CEP112: variants seen among roughly 807,000 people sequenced by gnomAD.
CEP112 encodes centrosomal protein 112, also known as centrosomal protein of 112 kDa.
CEP112 carries 127 observed loss-of-function variants against 153.0 expected under a neutral mutation model. The observed-to-expected ratio is 0.83, with a 90% CI of 0.72 to 0.96. The LOEUF (loss-of-function observed/expected upper bound fraction) is 0.96, where lower values mean the gene tolerates loss of function less well. Ranked by LOEUF, CEP112 falls within the 40% of genes least tolerant of loss-of-function variation. CEP112 has a pLI of 0.00. For missense variants in CEP112, 1,089 were observed against 1,101.2 expected (o/e 0.99, Z 0.16); for synonymous variants, 358 against 374.4 (o/e 0.96, Z 0.51).
chr17:65,929,239 C>T (rs772819998), intron 18 of CEP112, among the ~76,000 whole-genome samples: 1 of 152,084 alleles, frequency 6.6e-6, no homozygotes, highest in Non-Finnish European at 1.5e-5. Flanking sequence ...AAAAAGAAAG[C>T]GGAAAAAGGA....
chr17:66,006,511 C>G lies in CEP112; in HGVS notation c.1657-742G>C, dbSNP rs543380402. ...AGCCCAGCTACTCAGGAGGCTGAGG[C>G]AGGAGAATCGCTTGAACCCAGGAGG... is the stretch of plus-strand genomic sequence containing the variant. On this transcript the variant is annotated intron_variant, in intron 16 of 26. Coordinates refer to ENST00000535342, the MANE Select transcript of CEP112 (RefSeq NM_001199165.4). Among the ~76,000 whole-genome samples, 3 of 151,940 alleles carry G rather than the reference C, an allele frequency of 2.0e-5. No homozygotes were observed. The South Asian group carries it at 6.2e-4, about 32-fold the overall frequency.
chr17:66,144,963 G>T (rs911776198), intron 4 of CEP112, among the ~76,000 whole-genome samples: 1 of 152,118 alleles, frequency 6.6e-6, no homozygotes, highest in Non-Finnish European at 1.5e-5. Context: ...TTCCAGAGTG[G>T]TTGTGCAATA....
At chr17:65,913,278 G>A (rs1349572438) in intron 19 of CEP112, among the ~76,000 whole-genome samples, 1 of 152,060 alleles carries the variant, frequency 6.6e-6, no homozygotes, top group Non-Finnish European at 1.5e-5. Context: ...AAAAGATGTT[G>A]GAATCTTTCT....
intron 6 of CEP112, among the ~76,000 whole-genome samples, chr17:66,125,089 G>A (rs1234702311): frequency 6.6e-6 from 1 of 151,992 alleles, no homozygotes; most frequent in Non-Finnish European, 1.5e-5. Context: ...GAAAATAAGT[G>A]CTGATATTTT....
At chr17:65,943,063 TC>T (rs2144511007) in intron 18 of CEP112, among the ~76,000 whole-genome samples, 1 of 152,256 alleles carries the variant, frequency 6.6e-6, no homozygotes, top group Admixed American at 6.5e-5. Context: ...TAAGAAATAA[TC>T]CTTCAAATAT....
intron 24 of CEP112, among the ~76,000 whole-genome samples, chr17:65,666,603 T>C (rs1397082795): frequency 6.6e-6 from 1 of 152,160 alleles, no homozygotes; most frequent in African/African-American, 2.4e-5. Context: ...TATAAATCAA[T>C]AAAATAAGTA....
intron 21 of CEP112, among the ~76,000 whole-genome samples, chr17:65,807,072 C>T (rs575735152): frequency 1.7e-4 from 26 of 152,246 alleles, no homozygotes; most frequent in African/African-American, 6.3e-4. Flanking sequence ...CAATGAGGTC[C>T]AGGCTGAAGT....
At chr17:66,023,237 A>G (rs2065071685) in intron 16 of CEP112, among the ~76,000 whole-genome samples, 1 of 152,206 alleles carries the variant, frequency 6.6e-6, no homozygotes, top group Non-Finnish European at 1.5e-5. Context: ...AGATATTGCA[A>G]GATGCAGTTT....
At chr17:65,647,643 A>T (rs1469655557) in intron 24 of CEP112, among the ~76,000 whole-genome samples, 34 of 143,628 alleles carry the variant, frequency 2.4e-4, no homozygotes, top group Admixed American at 2.3e-3. Flanking sequence ...TGCCCAGCTA[A>T]TTTTTTTTTT....
At chr17:66,025,609 T>G (rs1181964842) in intron 16 of CEP112, among the ~76,000 whole-genome samples, 1 of 152,140 alleles carries the variant, frequency 6.6e-6, no homozygotes, top group Non-Finnish European at 1.5e-5. Context: ...AGATATCATC[T>G]TATTCTAGTC....
At chr17:65,967,605 T>G (rs73992163) in intron 17 of CEP112, among the ~76,000 whole-genome samples, 23 of 152,174 alleles carry the variant, frequency 1.5e-4, no homozygotes, top group African/African-American at 4.8e-4. Flanking sequence ...AAATTTTAAG[T>G]GCTAAAAGAA....
At chr17:66,091,032 A>G (rs1053829343) in intron 8 of CEP112, among the ~76,000 whole-genome samples, 1 of 152,138 alleles carries the variant, frequency 6.6e-6, no homozygotes, top group Non-Finnish European at 1.5e-5. Context: ...CTAAATATAT[A>G]AAGCAAATAT....
chr17:65,911,487 AAAT>A (rs375649950), intron 19 of CEP112, among the ~76,000 whole-genome samples: 14 of 152,286 alleles, frequency 9.2e-5, no homozygotes, highest in South Asian at 4.1e-4. Context: ...AACATTCTAA[AAAT>A]AATCTCTTAT....
chr17:65,678,700 C>A (rs1381793133), intron 24 of CEP112, among the ~76,000 whole-genome samples: 2 of 152,104 alleles, frequency 1.3e-5, no homozygotes, highest in Admixed American at 1.3e-4. Flanking sequence ...GGACGAAGAG[C>A]CACTTCAACA....
At position 66,005,729 on chromosome 17, in the gene CEP112, TC is replaced by T. The variant is rs764489340; in HGVS notation, c.1696del (p.Asp566IlefsTer13). The T allele has an allele frequency of 1.9e-6, 3 of 1,610,140 alleles. No homozygotes were observed. The highest frequency in any genetic ancestry group is 2.5e-6 in the Non-Finnish European group (3 of 1,178,872). ...AAATTTATGAATTTTCTTTTGAGTA[TC>T]TTCTTTTCCTTTATCAAGTTCACTC... ...LQSELDKGKE[D>X]TQKKIHKFEE... On this transcript the variant is annotated frameshift_variant, in exon 17 of 27. Transcript: ENST00000535342. LOFTEE classifies it high-confidence loss of function.
chr17:65,838,450 A>G (rs2057401864), intron 21 of CEP112, among the ~76,000 whole-genome samples: 1 of 152,178 alleles, frequency 6.6e-6, no homozygotes, highest in African/African-American at 2.4e-5. Context: ...ATTTCTTGAG[A>G]CAAATGAAAA....
chr17:65,708,491 G>A lies in CEP112; in HGVS notation c.2608-19273C>T, dbSNP rs187881394. ...TATTAGCACAGTGCCTTCTTTCCAC[G>A]TCTTTTTCCTATTCATATGAAACTG... is the stretch of plus-strand genomic sequence containing the variant. On this transcript the variant is annotated intron_variant, in intron 23 of 26. Transcript: ENST00000535342. 3.9e-5 allele frequency among the ~76,000 whole-genome samples: 6 copies of A among 152,232 alleles called. No homozygotes were observed. The East Asian group carries it at 9.6e-4, about 24-fold the overall frequency.
intron 23 of CEP112, among the ~76,000 whole-genome samples, chr17:65,739,049 T>C (rs2050967283): frequency 6.6e-6 from 1 of 152,212 alleles, no homozygotes; most frequent in African/African-American, 2.4e-5. Flanking sequence ...AGGTTCTGCT[T>C]TTACCCCTTT....
chr17:66,176,238 T>C (rs1043627302), intron 3 of CEP112, among the ~76,000 whole-genome samples: 3 of 152,208 alleles, frequency 2.0e-5, no homozygotes, highest in African/African-American at 7.2e-5. Flanking sequence ...CCAGATTTCT[T>C]AAGTACAGGC....
Sources: gnomAD v4.1 joint callset for allele counts (sites outside exome capture counted in the v4.1 genomes callset) on GRCh38, gnomAD v4.1.1 for gene constraint, MANE v1.5 for transcripts, NCBI Gene and HGNC (gene_info 2026-07-23, HGNC 2026-07-21) for gene names.